The following SPOCK3 variants were observed in gnomAD, a reference collection of about 807,000 sequenced individuals.
The protein encoded by SPOCK3 is testican-3.
Under a neutral mutation model 56.6 loss-of-function variants are expected in SPOCK3, and 30 were observed. The observed-to-expected ratio is 0.53, with a 90% CI of 0.40 to 0.72. The LOEUF (loss-of-function observed/expected upper bound fraction) is 0.72. Ranked by LOEUF, SPOCK3 falls within the 30% of genes least tolerant of loss-of-function variation. SPOCK3 has a pLI of 0.00. For missense variants in SPOCK3, 527 were observed against 530.0 expected, an observed-to-expected ratio of 0.99 and a Z score of 0.06; for synonymous variants, 196 against 183.3, an observed-to-expected ratio of 1.07 and a Z score of -0.56.
intron 3 of SPOCK3, among the ~76,000 whole-genome samples, chr4:167,018,294 T>G (rs1750839261): frequency 6.6e-6 from 1 of 152,118 alleles, no homozygotes; most frequent in Admixed American, 6.6e-5. Flanking sequence ...GGCAGTATTT[T>G]TAGTCACCTT....
At chr4:167,166,071 T>C (rs530964083) in intron 2 of SPOCK3, among the ~76,000 whole-genome samples, 3 of 152,112 alleles carry the variant, frequency 2.0e-5, no homozygotes, top group South Asian at 4.1e-4. Flanking sequence ...TAGACAACAA[T>C]GAGAAATTCA....
chr4:167,019,705 G>A (rs985430973), intron 3 of SPOCK3, among the ~76,000 whole-genome samples: 2 of 152,016 alleles, frequency 1.3e-5, no homozygotes, highest in Non-Finnish European at 2.9e-5. Flanking sequence ...ATTAAAATGT[G>A]TGTTAGGGAC....
At chr4:166,948,856 G>A (rs1444280117) in intron 4 of SPOCK3, among the ~76,000 whole-genome samples, 3 of 151,738 alleles carry the variant, frequency 2.0e-5, no homozygotes, top group East Asian at 3.9e-4. Flanking sequence ...TCTTTGTGGC[G>A]TTCTCTGTAT....
intron 3 of SPOCK3, among the ~76,000 whole-genome samples, chr4:167,033,974 T>C (rs1413760828): frequency 6.6e-6 from 1 of 152,100 alleles, no homozygotes; most frequent in African/African-American, 2.4e-5. Context: ...TATATACTAC[T>C]GGACTTCAGA....
At chr4:167,005,621 T>C (rs1749391227) in intron 3 of SPOCK3, among the ~76,000 whole-genome samples, 1 of 152,018 alleles carries the variant, frequency 6.6e-6, no homozygotes. Context: ...AATCCTTTTA[T>C]ATACTTTGTG....
chr4:167,148,896 T>C (rs182990862), intron 2 of SPOCK3, among the ~76,000 whole-genome samples: 5 of 152,244 alleles, frequency 3.3e-5, no homozygotes, highest in Non-Finnish European at 7.4e-5. Context: ...ATTTGGAACA[T>C]TATTTTAGAA....
At chr4:166,802,267 A>T (rs1742685492) in intron 6 of SPOCK3, among the ~76,000 whole-genome samples, 1 of 152,174 alleles carries the variant, frequency 6.6e-6, no homozygotes, top group Admixed American at 6.5e-5. Context: ...AAACAAGCAG[A>T]GGCTCAAGAC....
chr4:166,868,247 A>G (rs1021225972), intron 6 of SPOCK3, among the ~76,000 whole-genome samples: 4 of 151,252 alleles, frequency 2.6e-5, no homozygotes, highest in African/African-American at 7.3e-5. Flanking sequence ...GGAGTTTGAA[A>G]CCAGCCTGTG....
intron 2 of SPOCK3, among the ~76,000 whole-genome samples, chr4:167,233,085 A>G (rs1002188017): frequency 2.0e-5 from 3 of 152,160 alleles, no homozygotes; most frequent in Non-Finnish European, 4.4e-5. Flanking sequence ...TAGGGGCGGT[A>G]TTCAGCCAAC....
chr4:166,875,607 T>C (rs1732990691), intron 6 of SPOCK3, among the ~76,000 whole-genome samples: 1 of 152,146 alleles, frequency 6.6e-6, no homozygotes. Flanking sequence ...TATTAAGGCA[T>C]ATAGCTGTAG....
chr4:166,912,406 A>C (rs1011685389), intron 5 of SPOCK3, among the ~76,000 whole-genome samples: 16 of 152,292 alleles, frequency 1.1e-4, no homozygotes, highest in African/African-American at 2.9e-4. Flanking sequence ...TTGATATCTG[A>C]GGGTTCATAG....
At chr4:166,930,614 A>G (rs911073341) in intron 4 of SPOCK3, among the ~76,000 whole-genome samples, 14 of 152,216 alleles carry the variant, frequency 9.2e-5, no homozygotes, top group Admixed American at 5.9e-4. Flanking sequence ...ATGACTAAAA[A>G]TAAATTACTA....
At chr4:166,806,104 CA>C (rs1743136794) in intron 6 of SPOCK3, among the ~76,000 whole-genome samples, 1 of 151,940 alleles carries the variant, frequency 6.6e-6, no homozygotes, top group South Asian at 2.1e-4. Context: ...ATTGTTAAAA[CA>C]AGAATATTTT....
chr4:166,847,663 A>ATATAGATATATATATATATATC (rs1748228091), intron 6 of SPOCK3, among the ~76,000 whole-genome samples: 1 of 98,358 alleles, frequency 1.0e-5, no homozygotes, highest in East Asian at 4.1e-4. Flanking sequence ...ATATATATAT[A>ATATAGATATATATATATATATC]TATATATATA....
chr4:166,788,430 C>A (rs1475755372), intron 7 of SPOCK3, among the ~76,000 whole-genome samples: 1 of 151,998 alleles, frequency 6.6e-6, no homozygotes, highest in Non-Finnish European at 1.5e-5. Flanking sequence ...AGATAAAACA[C>A]AAAAGCATGC....
chr4:166,733,852 T>A lies in SPOCK3; in HGVS notation c.*1069A>T, dbSNP rs1733970862. 6.6e-6 allele frequency: 1 copy of A among 152,394 alleles called. No homozygotes were observed. Among genetic ancestry groups the A allele is most frequent in the South Asian group, 2.1e-4 (1 of 4,826 alleles). 9.4% of individuals were successfully genotyped at this position (152,394 alleles called of 1,614,324 possible). A position where few individuals can be genotyped will look rare whatever the true frequency, so the allele number is the denominator to read the frequency against. ...TTCATTCCAGCAGCAATACCTTTAC[T>A]GATATTAATCTGTTAATTAGGTGTG... On this transcript the variant is annotated 3_prime_UTR_variant, in exon 11 of 11. Coordinates refer to ENST00000357545, the MANE Select transcript of SPOCK3 (RefSeq NM_001040159.2).
intron 7 of SPOCK3, among the ~76,000 whole-genome samples, chr4:166,788,659 C>T (rs1293283820): frequency 6.6e-6 from 1 of 151,424 alleles, no homozygotes; most frequent in Non-Finnish European, 1.5e-5. Flanking sequence ...ATAATTATAG[C>T]TATAAAGTGA....
intron 4 of SPOCK3, among the ~76,000 whole-genome samples, chr4:166,959,261 A>G (rs1229811898): frequency 6.6e-6 from 1 of 152,146 alleles, no homozygotes; most frequent in Non-Finnish European, 1.5e-5. Flanking sequence ...ACTTTTTTCA[A>G]CGAATTAGTG....
intron 8 of SPOCK3, among the ~76,000 whole-genome samples, chr4:166,745,338 A>G (rs149168060): frequency 5.7e-4 from 87 of 152,342 alleles, no homozygotes; most frequent in African/African-American, 1.8e-3. Flanking sequence ...AATATTCAAC[A>G]TTCTTAAAGA....
Sources: gnomAD v4.1 joint callset for allele counts (sites outside exome capture counted in the v4.1 genomes callset) on GRCh38, gnomAD v4.1.1 for gene constraint, MANE v1.5 for transcripts, NCBI Gene and HGNC (gene_info 2026-07-23, HGNC 2026-07-21) for gene names.